The following LRP11 variants were observed in gnomAD, a reference collection of about 807,000 sequenced individuals.
LRP11 encodes LDL receptor related protein 11.
LRP11 carries 25 observed loss-of-function variants against 43.1 expected under a neutral mutation model. The observed-to-expected ratio is 0.58, with a 90% CI of 0.42 to 0.81. LRP11 has a LOEUF of 0.81. Ranked by LOEUF, LRP11 falls within the 30% of genes least tolerant of loss-of-function variation. LRP11 has a pLI of 0.00. For missense variants in LRP11, 623 were observed against 665.1 expected (o/e 0.94, Z 0.70); for synonymous variants, 316 against 299.4 (o/e 1.06, Z -0.57).
intron 4 of LRP11, 115 bp downstream of exon 4, chr6:149,837,223 A>G (rs1776484704): frequency 1.8e-6 from 2 of 1,138,742 alleles, no homozygotes; most frequent in African/African-American, 3.1e-5. Context: ...ATGTAAAGTT[A>G]TAACTAAAAT....
intron 5 of LRP11, among the ~76,000 whole-genome samples, chr6:149,828,050 G>A (rs939649909): frequency 3.3e-5 from 5 of 151,144 alleles, no homozygotes; most frequent in Admixed American, 2.0e-4. Context: ...AATTAGCCAG[G>A]CATGGTGGTG....
At chr6:149,828,393 AG>A (rs1021866007) in intron 5 of LRP11, among the ~76,000 whole-genome samples, 1 of 152,212 alleles carries the variant, frequency 6.6e-6, no homozygotes, top group Admixed American at 6.5e-5. Flanking sequence ...ACTTTTTCTC[AG>A]GGGTGAGGTA....
Position 149,864,080 on chromosome 6 carries a change from ACGCGGGCGAG to A in LRP11, c.-70_-61del. On this transcript the variant is annotated 5_prime_UTR_variant, in exon 1 of 7. Coordinates refer to ENST00000239367, the MANE Select transcript of LRP11 (RefSeq NM_032832.6). ...GGCTGAGCGCGGGAGGAAGGCGGGG[ACGCGGGCGAG>A]CGCGGGCCCTGGGCCCCTCCTGCGC... is the stretch of plus-strand genomic sequence containing the variant. 1 of 1,245,634 alleles carries A rather than the reference ACGCGGGCGAG, an allele frequency of 8.0e-7. No homozygotes were observed. Among genetic ancestry groups the A allele is most frequent in the African/African-American group, 1.6e-5 (1 of 63,448 alleles). The allele number at this position is 1,245,634 out of a possible 1,614,324, so 77.2% of individuals were successfully genotyped here. A position where few individuals can be genotyped will look rare whatever the true frequency, so the allele number is the denominator to read the frequency against.
At chr6:149,850,130 G>C (rs1039634493) in intron 2 of LRP11, among the ~76,000 whole-genome samples, 1 of 152,186 alleles carries the variant, frequency 6.6e-6, no homozygotes, top group Non-Finnish European at 1.5e-5. Context: ...GCTAGGGACA[G>C]TCAAGGGACT....
chr6:149,862,407 C>A (rs918628808), intron 1 of LRP11, among the ~76,000 whole-genome samples: 1 of 152,184 alleles, frequency 6.6e-6, no homozygotes, highest in African/African-American at 2.4e-5. Flanking sequence ...TGGGCACAAT[C>A]AAGGTCTCTT....
At chr6:149,841,799 C>A (rs1011476776) in intron 3 of LRP11, among the ~76,000 whole-genome samples, 2 of 152,068 alleles carry the variant, frequency 1.3e-5, no homozygotes, top group South Asian at 4.2e-4. Context: ...GTAGTCCCAG[C>A]TACTTGGGAG....
intron 5 of LRP11, among the ~76,000 whole-genome samples, chr6:149,832,975 A>T (rs1162768867): frequency 1.3e-5 from 2 of 151,964 alleles, no homozygotes; most frequent in African/African-American, 4.8e-5. Context: ...CGTCCAGCTA[A>T]TTTTTTGTAG....
chr6:149,859,396 A>ATATATATATATAT, intron 1 of LRP11, among the ~76,000 whole-genome samples: 1 of 71,496 alleles, frequency 1.4e-5, no homozygotes, highest in African/African-American at 8.2e-5. Flanking sequence ...ATATATATAT[A>ATATATATATATAT]TTTTTTTTTT....
At position 149,823,257 on chromosome 6, in the gene LRP11, A is replaced by C. The variant is rs58121840; in HGVS notation, c.1349-2554T>G. On this transcript the variant is annotated intron_variant, in intron 6 of 6. Transcript: ENST00000239367. Reference sequence around the variant, plus strand: ...CCCTGGATTTAGCAATTGGTAATTCATTTATGGGAGTACAGAAGATGGAGG... The same window carrying C: ...CCCTGGATTTAGCAATTGGTAATTCCTTTATGGGAGTACAGAAGATGGAGG... Among the ~76,000 whole-genome samples the C allele has an allele frequency of 4.7e-3, 720 of 152,314 alleles. 5 individuals are homozygous for C. The highest frequency in any genetic ancestry group is 0.017 in the African/African-American group (689 of 41,576).
Position 149,837,457 on chromosome 6 carries a change from A to C in LRP11, c.920T>G (p.Leu307Trp). The change falls in exon 4 of 7, where the codon TTG becomes TGG. Residue 307 changes from leucine (L) to tryptophan (W), a missense_variant. Transcript: ENST00000239367. ...LRAAYSTGGC[L>W]HTCSRYHFFC... ...GAAGTGGTAGCGTGAGCAAGTGTGCAAACATCCTATTTGTAAACAAATCTC... is the reference window on the plus strand; with the variant it reads ...GAAGTGGTAGCGTGAGCAAGTGTGCCAACATCCTATTTGTAAACAAATCTC... The C allele has an allele frequency of 6.2e-7, 1 of 1,613,872 alleles. No individual in the cohort carries two copies. Among genetic ancestry groups the C allele is most frequent in the African/African-American group, 1.3e-5 (1 of 75,038 alleles).
chr6:149,858,278 A>G (rs1406268975), intron 1 of LRP11, among the ~76,000 whole-genome samples: 1 of 152,074 alleles, frequency 6.6e-6, no homozygotes, highest in Non-Finnish European at 1.5e-5. Flanking sequence ...ACTCCCACTT[A>G]TGAGTGAGAA....
At chr6:149,821,657 G>T (rs1362564857) in intron 6 of LRP11, among the ~76,000 whole-genome samples, 1 of 152,220 alleles carries the variant, frequency 6.6e-6, no homozygotes, top group African/African-American at 2.4e-5. Context: ...GCCAATATCA[G>T]TCTTTTTTAT....
chr6:149,832,408 GTCTTGAACTGACC>G (rs1776419621), intron 5 of LRP11, among the ~76,000 whole-genome samples: 1 of 151,830 alleles, frequency 6.6e-6, no homozygotes, highest in African/African-American at 2.4e-5. Context: ...GGCCAGGCTG[GTCTTGAACTGACC>G]TCGTGATTTG....
chr6:149,861,478 G>GA (rs1776893456), intron 1 of LRP11, among the ~76,000 whole-genome samples: 2 of 152,074 alleles, frequency 1.3e-5, no homozygotes, highest in African/African-American at 4.8e-5. Flanking sequence ...CAAGCAAGAG[G>GA]AAAAACAACC....
chr6:149,835,212 C>T (rs2115382783), intron 5 of LRP11, among the ~76,000 whole-genome samples: 1 of 152,336 alleles, frequency 6.6e-6, no homozygotes, highest in Admixed American at 6.5e-5. Flanking sequence ...CTCTTGGCCT[C>T]AAGCAATTCT....
Position 149,834,005 on chromosome 6 carries a change from G to T in LRP11, c.1252+2080C>A, listed in dbSNP as rs58626088. On this transcript the variant is annotated intron_variant, in intron 5 of 6. Transcript: ENST00000239367. ...AAGCCCAGCATCCATTAGCTGTTCT[G>T]CCTGATGCTCCCCCTCCCCCTACCT... Among the ~76,000 whole-genome samples, 655 of 152,218 alleles carry T rather than the reference G, an allele frequency of 4.3e-3. 4 individuals are homozygous for T. Among genetic ancestry groups the T allele is most frequent in the African/African-American group, 0.015 (623 of 41,544 alleles).
intron 6 of LRP11, among the ~76,000 whole-genome samples, chr6:149,824,294 G>T (rs1776312153): frequency 6.6e-6 from 1 of 152,186 alleles, no homozygotes; most frequent in Non-Finnish European, 1.5e-5. Context: ...CTGGGAAAAT[G>T]TTCTATTTGC....
At chr6:149,832,365 G>A (rs1776419301) in intron 5 of LRP11, among the ~76,000 whole-genome samples, 1 of 151,526 alleles carries the variant, frequency 6.6e-6, no homozygotes, top group Non-Finnish European at 1.5e-5. Flanking sequence ...CTAATTTTTT[G>A]TATTTTTAGT....
intron 1 of LRP11, among the ~76,000 whole-genome samples, chr6:149,855,456 AC>A (rs925191693): frequency 2.0e-5 from 3 of 152,190 alleles, no homozygotes; most frequent in African/African-American, 7.2e-5. Context: ...GTAAATAAAC[AC>A]TGAAGAAAAA....
Sources: allele counts gnomAD v4.1 joint callset (sites outside exome capture counted in the v4.1 genomes callset), GRCh38; gene constraint gnomAD v4.1.1; transcripts MANE v1.5; gene names NCBI Gene and HGNC (gene_info 2026-07-23, HGNC 2026-07-21).